The following XIRP2 variants were observed in gnomAD, a reference collection of about 807,000 sequenced individuals.
XIRP2 encodes xin actin-binding repeat-containing protein 2.
In XIRP2, 236 loss-of-function variants were observed where a neutral mutation model predicts 277.0. That is an observed-to-expected ratio of 0.85 (90% confidence interval 0.77 to 0.95). The LOEUF (loss-of-function observed/expected upper bound fraction) is 0.95. Among genes scored for constraint, XIRP2 ranks in the 40% least tolerant of loss-of-function variants. The probability of loss-of-function intolerance (pLI) is 0.00; values close to 1 mark genes in which losing one functional copy is unlikely to be tolerated. For missense variants in XIRP2, 4,640 were observed against 4,157.5 expected (o/e 1.12, Z -3.19); for synonymous variants, 1,490 against 1,416.5 (o/e 1.05, Z -1.17).
At chr2:166,908,064 G>A (rs145869064) in intron 2 of XIRP2, among the ~76,000 whole-genome samples, 6 of 152,026 alleles carry the variant, frequency 3.9e-5, no homozygotes, top group South Asian at 2.1e-4. Flanking sequence ...GAATAGTGCC[G>A]CAGTAAACAT....
chr2:167,019,291 T>A (rs921756978), intron 2 of XIRP2, among the ~76,000 whole-genome samples: 1 of 152,006 alleles, frequency 6.6e-6, no homozygotes, highest in Non-Finnish European at 1.5e-5. Context: ...GAAAAACAGT[T>A]GTACTTTAAA....
intron 2 of XIRP2, among the ~76,000 whole-genome samples, chr2:166,917,286 G>C (rs1684913524): frequency 6.6e-6 from 1 of 152,090 alleles, no homozygotes; most frequent in Non-Finnish European, 1.5e-5. Flanking sequence ...GCTGCAGTTT[G>C]TTCAATTATA....
At chr2:166,907,143 G>A (rs1394668103) in intron 2 of XIRP2, among the ~76,000 whole-genome samples, 1 of 152,084 alleles carries the variant, frequency 6.6e-6, no homozygotes, top group Non-Finnish European at 1.5e-5. Context: ...AAACAACTTA[G>A]AATGAAGATT....
At position 167,251,612 on chromosome 2, in the gene XIRP2, G is replaced by A. The variant is rs754997297; in HGVS notation, c.10220G>A (p.Arg3407Lys). Residue 3407 changes from arginine (R) to lysine (K), a missense_variant, in exon 9 of 11, where the codon AGG becomes AAG. Transcript: ENST00000409195. ...LREKIPVKQP[R>K]ICSETRSLSE... Reference sequence around the variant, plus strand: ...GAAAAGATTCCTGTTAAGCAGCCCAGGATCTGCTCTGAAACCAGGTCTCTA... The same window carrying A: ...GAAAAGATTCCTGTTAAGCAGCCCAAGATCTGCTCTGAAACCAGGTCTCTA... The A allele has an allele frequency of 9.9e-6, 16 of 1,613,388 alleles. No individual in the cohort carries two copies. Among genetic ancestry groups the A allele is most frequent in the Non-Finnish European group, 1.4e-5 (16 of 1,179,650 alleles).
intron 2 of XIRP2, among the ~76,000 whole-genome samples, chr2:166,913,457 G>A (rs1188457666): frequency 6.6e-6 from 1 of 152,046 alleles, no homozygotes; most frequent in Non-Finnish European, 1.5e-5. Context: ...TGGAAATGCA[G>A]AAATCACCCA....
At chr2:167,175,800 A>G (rs916057779) in intron 3 of XIRP2, among the ~76,000 whole-genome samples, 3 of 152,068 alleles carry the variant, frequency 2.0e-5, no homozygotes, top group Non-Finnish European at 4.4e-5. Flanking sequence ...TAAGCCCCTG[A>G]CTGGGGCTGC....
chr2:167,039,566 T>TAC (rs1041878243), intron 2 of XIRP2, among the ~76,000 whole-genome samples: 3 of 152,080 alleles, frequency 2.0e-5, no homozygotes, highest in African/African-American at 4.8e-5. Context: ...TATGAATGAG[T>TAC]ACACACACAC....
At chr2:167,058,145 C>T (rs1034352199) in intron 2 of XIRP2, among the ~76,000 whole-genome samples, 1 of 151,740 alleles carries the variant, frequency 6.6e-6, no homozygotes, top group Non-Finnish European at 1.5e-5. Flanking sequence ...TCACTGCAAC[C>T]TCCACCTCCC....
chr2:167,175,265 T>A (rs1206269837), intron 3 of XIRP2, among the ~76,000 whole-genome samples: 1 of 152,132 alleles, frequency 6.6e-6, no homozygotes, highest in Non-Finnish European at 1.5e-5. Context: ...ATTGGGTGCA[T>A]GTATATTTAG....
intron 2 of XIRP2, among the ~76,000 whole-genome samples, chr2:167,032,448 T>C (rs1052610195): frequency 6.6e-6 from 1 of 152,072 alleles, no homozygotes; most frequent in African/African-American, 2.4e-5. Context: ...AATTGACATA[T>C]TGGATGTAAT....
At chr2:166,898,831 G>A (rs189694337) in intron 1 of XIRP2, among the ~76,000 whole-genome samples, 152 of 152,142 alleles carry the variant, frequency 1.0e-3, no homozygotes, top group African/African-American at 3.5e-3. Context: ...CTGCACATTT[G>A]TAATTTTGTC....
chr2:167,256,549 T>C (rs768566164), intron 10 of XIRP2, among the ~76,000 whole-genome samples: 7 of 151,872 alleles, frequency 4.6e-5, no homozygotes, highest in Non-Finnish European at 1.0e-4. Flanking sequence ...TTTGAAGTCA[T>C]AGGTTAAATT....
intron 3 of XIRP2, among the ~76,000 whole-genome samples, chr2:167,142,984 G>A (rs1691764760): frequency 1.3e-5 from 2 of 151,940 alleles, no homozygotes; most frequent in African/African-American, 4.8e-5. Context: ...GATGGAGAGA[G>A]GAATGGAGGA....
intron 2 of XIRP2, among the ~76,000 whole-genome samples, chr2:167,022,202 T>C (rs2105486478): frequency 6.6e-6 from 1 of 152,196 alleles, no homozygotes; most frequent in Middle Eastern, 3.4e-3. Flanking sequence ...ATGTATGAAA[T>C]TGTATGGGGA....
Position 167,113,692 on chromosome 2 carries a change from G to A in XIRP2, c.409-22217G>A, listed in dbSNP as rs184972893. ...ATTTGATCCTGTCATGTTGTTAGCT[G>A]GTTATTATGCAGACTTGTTTGTGTG... is the stretch of plus-strand genomic sequence containing the variant. On this transcript the variant is annotated intron_variant, in intron 2 of 10. Coordinates refer to ENST00000409195, the MANE Select transcript of XIRP2 (RefSeq NM_152381.6). Among the ~76,000 whole-genome samples, 352 of 152,230 alleles carry A rather than the reference G, an allele frequency of 2.3e-3. 2 individuals are homozygous for A. Among genetic ancestry groups the A allele is most frequent in the African/African-American group, 8.1e-3 (338 of 41,554 alleles).
chr2:166,906,956 G>T lies in XIRP2; in HGVS notation c.408+3066G>T, dbSNP rs115149197. Among the ~76,000 whole-genome samples the T allele has an allele frequency of 2.9e-3, 444 of 152,084 alleles. 3 individuals are homozygous for T. Among genetic ancestry groups the T allele is most frequent in the African/African-American group, 0.01 (431 of 41,496 alleles). ...ACATTATTTTCTATAAGTGTGCAAG[G>T]TCATTAAAAAGAGATATCAATACCT... On this transcript the variant is annotated intron_variant, in intron 2 of 10. Coordinates refer to ENST00000409195, the MANE Select transcript of XIRP2 (RefSeq NM_152381.6).
intron 2 of XIRP2, among the ~76,000 whole-genome samples, chr2:166,913,322 C>CA (rs1394354770): frequency 4.0e-5 from 6 of 150,550 alleles, no homozygotes; most frequent in African/African-American, 4.9e-5. Flanking sequence ...CCCCCCCCCC[C>CA]AGCCTCGCTG....
chr2:166,978,825 T>C (rs1331221819), intron 2 of XIRP2, among the ~76,000 whole-genome samples: 1 of 151,904 alleles, frequency 6.6e-6, no homozygotes, highest in African/African-American at 2.4e-5. Context: ...TACAAAAAAT[T>C]AAAAACTAGC....
Position 167,066,742 on chromosome 2 carries a change from C to G in XIRP2, c.409-69167C>G, listed in dbSNP as rs1253826734. ...ATATGGAAACAACCTAAATATCCAT[C>G]AATGGATAAATGGATAAAGAAAATG... On this transcript the variant is annotated intron_variant, in intron 2 of 10. Transcript: ENST00000409195. 2.0e-5 allele frequency among the ~76,000 whole-genome samples: 3 copies of G among 152,012 alleles called. No individual in the cohort carries two copies. The East Asian group carries it at 5.8e-4, about 29-fold the overall frequency.
Sources: gnomAD v4.1 joint callset for allele counts (sites outside exome capture counted in the v4.1 genomes callset) on GRCh38, gnomAD v4.1.1 for gene constraint, MANE v1.5 for transcripts, NCBI Gene and HGNC (gene_info 2026-07-23, HGNC 2026-07-21) for gene names.